PHKB: variants seen among roughly 807,000 people sequenced by gnomAD.
The protein encoded by PHKB is phosphorylase kinase regulatory subunit beta, also known as phosphorylase b kinase regulatory subunit beta.
PHKB carries 122 observed loss-of-function variants against 152.1 expected under a neutral mutation model. The ratio of observed to expected loss-of-function variants is 0.80; its 90% CI spans 0.69 to 0.93. The LOEUF is 0.93. Ranked by LOEUF, PHKB falls within the 40% of genes least tolerant of loss-of-function variation. PHKB has a pLI of 0.00. For synonymous variants in PHKB, 436 were observed against 464.9 expected (o/e 0.94, Z 0.80); for missense variants, 1,304 against 1,328.4 (o/e 0.98, Z 0.29).
intron 3 of PHKB, among the ~76,000 whole-genome samples, chr16:47,500,894 G>T (rs1970314391): frequency 6.6e-6 from 1 of 152,092 alleles, no homozygotes; most frequent in Admixed American, 6.5e-5. Flanking sequence ...TTTAAAAATT[G>T]TATCTTCCAC....
At chr16:47,662,288 C>T (rs1482499232) in intron 23 of PHKB, among the ~76,000 whole-genome samples, 2 of 152,178 alleles carry the variant, frequency 1.3e-5, no homozygotes, top group Admixed American at 6.5e-5. Context: ...TCTATGTCCA[C>T]TCTGCATTAA....
chr16:47,549,949 G>A (rs1014037083), intron 7 of PHKB, among the ~76,000 whole-genome samples: 8 of 152,048 alleles, frequency 5.3e-5, no homozygotes, highest in African/African-American at 1.7e-4. Flanking sequence ...GTAGTAGGCC[G>A]ATTTTGTTCA....
chr16:47,641,125 G>T (rs764290318), intron 15 of PHKB, 35 bp downstream of exon 15: 1 of 1,412,664 alleles, frequency 7.1e-7, no homozygotes, highest in African/African-American at 1.4e-5. Context: ...GTTTTTTTGT[G>T]GGGAGGGGAG....
intron 7 of PHKB, among the ~76,000 whole-genome samples, chr16:47,554,638 C>G (rs1016351078): frequency 3.3e-5 from 5 of 152,190 alleles, no homozygotes; most frequent in Non-Finnish European, 7.3e-5. Context: ...ACCCAGGGCC[C>G]TGGTGGTGTA....
chr16:47,496,918 C>T (rs996742295), intron 1 of PHKB, among the ~76,000 whole-genome samples: 1 of 152,080 alleles, frequency 6.6e-6, no homozygotes, highest in Non-Finnish European at 1.5e-5. Context: ...GCTGAATATT[C>T]GTGGAGTGGA....
At chr16:47,555,480 C>T (rs1971353178) in intron 7 of PHKB, among the ~76,000 whole-genome samples, 2 of 152,114 alleles carry the variant, frequency 1.3e-5, no homozygotes, top group Admixed American at 6.6e-5. Context: ...TCACTATCTC[C>T]CAAACAAATG....
chr16:47,619,731 A>G (rs1972584227), intron 14 of PHKB, among the ~76,000 whole-genome samples: 1 of 152,152 alleles, frequency 6.6e-6, no homozygotes, highest in Non-Finnish European at 1.5e-5. Flanking sequence ...CTAATGTGAG[A>G]TAATGGTTTC....
intron 6 of PHKB, among the ~76,000 whole-genome samples, chr16:47,521,370 T>TG (rs1970682266): frequency 3.3e-5 from 5 of 152,112 alleles, no homozygotes; most frequent in Admixed American, 2.6e-4. Flanking sequence ...ATGTTACCTG[T>TG]GGGCTGGGTG....
chr16:47,555,983 T>A (rs894290636), intron 7 of PHKB, among the ~76,000 whole-genome samples: 2 of 152,296 alleles, frequency 1.3e-5, no homozygotes, highest in East Asian at 3.9e-4. Flanking sequence ...CTTGAAGAGG[T>A]CCTTCATGTC....
At position 47,588,886 on chromosome 16, in the gene PHKB, T is replaced by C. The variant is rs1236658610; in HGVS notation, c.871-19T>C. The C allele has an allele frequency of 6.2e-7, 1 of 1,605,998 alleles. No homozygotes were observed. Among genetic ancestry groups the C allele is most frequent in the South Asian group, 1.1e-5 (1 of 90,902 alleles). ...CATCGCTGTGGACACTCACAGTCTC[T>C]CTTTCTCATTGCCTCCAGAATACAG... On this transcript the variant is annotated intron_variant, in intron 9 of 30. Transcript: ENST00000323584.
At chr16:47,687,839 C>T (rs1276236185) in intron 26 of PHKB, among the ~76,000 whole-genome samples, 5 of 152,190 alleles carry the variant, frequency 3.3e-5, no homozygotes, top group African/African-American at 1.2e-4. Flanking sequence ...GAGCTTGATA[C>T]ATGTTACCCT....
chr16:47,605,135 A>T (rs1972299647), intron 13 of PHKB, among the ~76,000 whole-genome samples: 1 of 152,208 alleles, frequency 6.6e-6, no homozygotes, highest in South Asian at 2.1e-4. Flanking sequence ...AATTAAAGTA[A>T]TGATTATGGC....
At chr16:47,641,122 T>C in intron 15 of PHKB, 32 bp downstream of exon 15, 1 of 1,566,440 alleles carries the variant, frequency 6.4e-7, no homozygotes, top group South Asian at 1.1e-5. Context: ...TGTGTTTTTT[T>C]GTGGGGAGGG....
intron 30 of PHKB, 65 bp downstream of exon 30, chr16:47,698,653 A>C: frequency 7.9e-7 from 1 of 1,263,020 alleles, no homozygotes. Context: ...AATTCTTTAA[A>C]ATATCCCTAA....
chr16:47,673,607 C>A (rs1189690430), intron 26 of PHKB, among the ~76,000 whole-genome samples: 1 of 152,110 alleles, frequency 6.6e-6, no homozygotes, highest in Admixed American at 6.5e-5. Flanking sequence ...GGTTGCCTTA[C>A]AATCGTACAT....
At chr16:47,475,656 T>A (rs899027814) in intron 1 of PHKB, among the ~76,000 whole-genome samples, 12 of 152,194 alleles carry the variant, frequency 7.9e-5, no homozygotes, top group African/African-American at 2.7e-4. Context: ...TTGGTGACAT[T>A]TCTCTTAGCA....
intron 7 of PHKB, among the ~76,000 whole-genome samples, chr16:47,548,632 T>C (rs923368042): frequency 7.4e-5 from 11 of 149,614 alleles, no homozygotes; most frequent in Non-Finnish European, 1.5e-4. Context: ...AGAAACACTG[T>C]AGAAAACACT....
intron 6 of PHKB, among the ~76,000 whole-genome samples, chr16:47,526,118 TGACTA>T (rs1970761966): frequency 6.6e-6 from 1 of 151,932 alleles, no homozygotes; most frequent in South Asian, 2.1e-4. Context: ...TTAAAAAAAA[TGACTA>T]GGCCATCTGG....
At chr16:47,554,562 T>G (rs1971333861) in intron 7 of PHKB, among the ~76,000 whole-genome samples, 1 of 151,966 alleles carries the variant, frequency 6.6e-6, no homozygotes, top group Admixed American at 6.6e-5. Context: ...GCCACTGGTG[T>G]ATGAAAAAAA....
Sources: gnomAD v4.1 joint callset for allele counts (sites outside exome capture counted in the v4.1 genomes callset) on GRCh38, gnomAD v4.1.1 for gene constraint, MANE v1.5 for transcripts, NCBI Gene and HGNC (gene_info 2026-07-23, HGNC 2026-07-21) for gene names.